The following SACS variants were observed in gnomAD, a reference collection of about 807,000 sequenced individuals.
The protein encoded by SACS is sacsin.
In SACS, 197 loss-of-function variants were observed where a neutral mutation model predicts 348.0. The ratio of observed to expected loss-of-function variants is 0.57; its 90% CI spans 0.50 to 0.64. The LOEUF (loss-of-function observed/expected upper bound fraction) is 0.64. Ranked by LOEUF, SACS falls within the 30% of genes least tolerant of loss-of-function variation. SACS has a pLI of 0.00. For synonymous variants in SACS, 1,985 were observed against 1,910.6 expected (o/e 1.04, Z -1.02); for missense variants, 4,999 against 5,360.8 (o/e 0.93, Z 2.11).
At chr13:23,376,252 C>T (rs1372790168) in intron 2 of SACS, among the ~76,000 whole-genome samples, 1 of 152,142 alleles carries the variant, frequency 6.6e-6, no homozygotes, top group Non-Finnish European at 1.5e-5. Flanking sequence ...GAACATGAGT[C>T]TTAAGAGTTG....
rs1883654517 is a variant in SACS, at chr13:23,333,899, T to G, written c.9977A>C (p.Lys3326Thr). ...QSDKVFHALM[K>T]AGCIQLALNK... ...CAAAGCAAGCTGAATACAGCCAGCT[T>G]TCATTAGAGCATGAAAAACTTTATC... Residue 3326 changes from lysine to threonine, a missense_variant, in exon 10 of 10, where the codon AAA (lysine) becomes ACA (threonine). Coordinates refer to ENST00000382292, the MANE Select transcript of SACS (RefSeq NM_014363.6). The G allele has an allele frequency of 6.2e-7, 1 of 1,613,710 alleles. No homozygotes were observed. The highest frequency in any genetic ancestry group is 1.7e-5 in the Admixed American group (1 of 59,982).
At chr13:23,393,122 A>G (rs1376590419) in intron 2 of SACS, among the ~76,000 whole-genome samples, 1 of 152,170 alleles carries the variant, frequency 6.6e-6, no homozygotes, top group Non-Finnish European at 1.5e-5. Flanking sequence ...CCCCTGGACC[A>G]ACAGGCTCAA....
chr13:23,383,640 C>T (rs114070373), intron 2 of SACS, among the ~76,000 whole-genome samples: 313 of 152,258 alleles, frequency 2.1e-3, no homozygotes, highest in African/African-American at 7.2e-3. Context: ...GATGGCCCAC[C>T]CTTGATAGCC....
intron 2 of SACS, among the ~76,000 whole-genome samples, chr13:23,393,172 G>A (rs557103394): frequency 3.3e-5 from 5 of 152,318 alleles, no homozygotes; most frequent in African/African-American, 1.2e-4. Context: ...AAGCCCATGT[G>A]AGACGTCACC....
intron 4 of SACS, among the ~76,000 whole-genome samples, chr13:23,369,331 C>G (rs1871245146): frequency 6.6e-6 from 1 of 152,152 alleles, no homozygotes; most frequent in Non-Finnish European, 1.5e-5. Flanking sequence ...ACCAGGTCAC[C>G]TTCAGACAAG....
At chr13:23,377,208 G>A (rs1408688837) in intron 2 of SACS, among the ~76,000 whole-genome samples, 1 of 152,166 alleles carries the variant, frequency 6.6e-6, no homozygotes, top group Non-Finnish European at 1.5e-5. Context: ...AATTAGTAGT[G>A]CAATGTGCAC....
At chr13:23,348,515 C>T (rs2137680170) in intron 9 of SACS, among the ~76,000 whole-genome samples, 1 of 152,264 alleles carries the variant, frequency 6.6e-6, no homozygotes, top group South Asian at 2.1e-4. Flanking sequence ...ATAAAGATTG[C>T]CCTTGCTCTC....
chr13:23,349,902 C>T (rs1401508699), intron 9 of SACS, among the ~76,000 whole-genome samples: 1 of 152,138 alleles, frequency 6.6e-6, no homozygotes, highest in African/African-American at 2.4e-5. Context: ...TCTCTGAAGA[C>T]TAGGGTGGTG....
Position 23,334,577 on chromosome 13 carries a change from G to T in SACS, c.9299C>A (p.Ser3100Tyr), listed in dbSNP as rs150615169. Residue 3100 changes from serine to tyrosine, a missense_variant, in exon 10 of 10, where the codon TCT (serine) becomes TAT (tyrosine). By Grantham distance (144) the Ser-to-Tyr change is moderately radical. This residue lies in a region of SACS where 734 missense variants were observed against 694.0 expected (regional missense o/e 1.06). Transcript: ENST00000382292. ...AGGAGAGGAAAATGTCATTAAAAAA[G>T]ATCTGATATCAGCAGGGGTCACATA... ...VSYVTPADIR[S>Y]FLMTFSSPDT... 1.9e-4 allele frequency: 310 copies of T among 1,613,454 alleles called. 2 individuals are homozygous for T. In the East Asian group the frequency reaches 5.6e-3, roughly 29 times the overall value.
At position 23,355,473 on chromosome 13, in the gene SACS, T is replaced by C. The variant is rs1870305811; in HGVS notation, c.1139A>G (p.Glu380Gly). Residue 380 changes from glutamate to glycine, a missense_variant, in exon 8 of 10, where the codon GAA becomes GGA. Transcript: ENST00000382292. ...CTGTGCATCCTTAGTACTCTCCTCTTCTAAAACAATATTTACGTGATATGT... is the reference window on the plus strand; with the variant it reads ...CTGTGCATCCTTAGTACTCTCCTCTCCTAAAACAATATTTACGTGATATGT... ...CVTYHVNIVL[E>G]EESTKDAQKT... The C allele has an allele frequency of 8.7e-6, 14 of 1,614,096 alleles. No homozygotes were observed. Among genetic ancestry groups the C allele is most frequent in the Non-Finnish European group, 1.2e-5 (14 of 1,179,978 alleles).
intron 2 of SACS, among the ~76,000 whole-genome samples, chr13:23,382,761 T>C (rs1310905692): frequency 1.3e-5 from 2 of 151,410 alleles, no homozygotes; most frequent in African/African-American, 2.4e-5. Flanking sequence ...TTGTGTTTTG[T>C]TTTGTTTTGT....
intron 2 of SACS, among the ~76,000 whole-genome samples, chr13:23,395,614 C>T (rs955515461): frequency 2.0e-5 from 3 of 152,166 alleles, no homozygotes; most frequent in Non-Finnish European, 2.9e-5. Flanking sequence ...TCTTAGGCCT[C>T]CTACCCACAT....
At chr13:23,366,414 G>C (rs901682234) in intron 5 of SACS, among the ~76,000 whole-genome samples, 2 of 148,714 alleles carry the variant, frequency 1.3e-5, no homozygotes, top group South Asian at 4.5e-4. Context: ...ATCAGCTAGT[G>C]ATTCTTCCTT....
At chr13:23,347,452 T>C (rs1869681423) in intron 9 of SACS, among the ~76,000 whole-genome samples, 1 of 152,184 alleles carries the variant, frequency 6.6e-6, no homozygotes, top group South Asian at 2.1e-4. Flanking sequence ...TTCTGTGTAT[T>C]TGGGTCCCTT....
intron 5 of SACS, among the ~76,000 whole-genome samples, chr13:23,367,783 G>A (rs2709237): frequency 0.098 from 14,967 of 152,004 alleles, 1,305 homozygotes; most frequent in African/African-American, 0.23. Context: ...TAATAGAGAC[G>A]GGGTTTCGCC....
chr13:23,401,169 A>AT (rs1308719978), intron 2 of SACS, among the ~76,000 whole-genome samples: 2 of 152,212 alleles, frequency 1.3e-5, no homozygotes, highest in African/African-American at 4.8e-5. Flanking sequence ...TGTTACACAT[A>AT]TAAGAGGAAA....
Position 23,331,631 on chromosome 13 carries a change from G to C in SACS, c.12245C>G (p.Ala4082Gly), listed in dbSNP as rs1335924495. Residue 4082 changes from alanine to glycine, a missense_variant, in exon 10 of 10, where the codon GCA becomes GGA. Ala to Gly is a moderately conservative substitution (Grantham distance 60). Transcript: ENST00000382292. The part of the protein sequence containing the change: ...TFAFLKRFGN[A>G]VILLYIQHSD... ...ATGTTGAATGTAGAGCAAGATGACT[G>C]CATTACCAAATCGCTTCAAAAAAGC... The C allele has an allele frequency of 3.7e-6, 6 of 1,613,812 alleles. No individual in the cohort carries two copies. In the Admixed American group the frequency reaches 1.0e-4, roughly 27 times the overall value.
chr13:23,431,796 A>G (rs1874443650), intron 1 of SACS, among the ~76,000 whole-genome samples: 1 of 152,218 alleles, frequency 6.6e-6, no homozygotes, highest in Admixed American at 6.5e-5. Context: ...AGAACTGAAT[A>G]TGTATTTTGT....
intron 9 of SACS, among the ~76,000 whole-genome samples, chr13:23,352,839 TTC>T (rs1404966912): frequency 3.3e-5 from 5 of 152,250 alleles, no homozygotes; most frequent in Non-Finnish European, 7.3e-5. Context: ...CCTACTCATT[TTC>T]TTTTACTCTC....
Sources: gnomAD v4.1 joint callset for allele counts (sites outside exome capture counted in the v4.1 genomes callset) on GRCh38, gnomAD v4.1.1 for gene constraint, gnomAD v4.1.1 regional missense constraint, MANE v1.5 for transcripts, NCBI Gene and HGNC (gene_info 2026-07-23, HGNC 2026-07-21) for gene names.